Variants in MAPK10 observed in about 807,000 individuals in gnomAD.
The protein encoded by MAPK10 is JNK3 alpha protein kinase.
Under a neutral mutation model 59.3 loss-of-function variants are expected in MAPK10, and 25 were observed. The ratio of observed to expected loss-of-function variants is 0.42; its 90% CI spans 0.31 to 0.59. The LOEUF (loss-of-function observed/expected upper bound fraction) is 0.59, where lower values mean the gene tolerates loss of function less well. Ranked by LOEUF, MAPK10 falls within the 20% of genes least tolerant of loss-of-function variation. MAPK10 has a pLI of 0.15. For missense variants in MAPK10, 351 were observed against 568.9 expected (o/e 0.62, Z 3.90); for synonymous variants, 190 against 200.5 (o/e 0.95, Z 0.44).
intron 4 of MAPK10, among the ~76,000 whole-genome samples, chr4:86,116,074 C>G (rs917075772): frequency 4.6e-5 from 7 of 152,166 alleles, no homozygotes; most frequent in Non-Finnish European, 7.3e-5. Context: ...TCCATCACCT[C>G]AAAGACAAGA....
At chr4:86,539,361 G>A (rs1190378039) in intron 1 of MAPK10, among the ~76,000 whole-genome samples, 2 of 152,148 alleles carry the variant, frequency 1.3e-5, no homozygotes, top group Non-Finnish European at 2.9e-5. Context: ...AAAAGACATC[G>A]TCCTACACTT....
At chr4:86,375,824 T>G (rs997190412) in intron 1 of MAPK10, among the ~76,000 whole-genome samples, 1 of 149,482 alleles carries the variant, frequency 6.7e-6, no homozygotes, top group Non-Finnish European at 1.5e-5. Context: ...AGCAAGTACC[T>G]CCTTCCCTTA....
chr4:86,349,858 C>T (rs151173435), intron 2 of MAPK10, among the ~76,000 whole-genome samples: 13 of 152,136 alleles, frequency 8.5e-5, no homozygotes, highest in African/African-American at 1.9e-4. Context: ...GAGTCACAAA[C>T]GTCTTAAAGG....
At chr4:86,367,178 GA>G (rs2148990140) in intron 1 of MAPK10, among the ~76,000 whole-genome samples, 2 of 152,248 alleles carry the variant, frequency 1.3e-5, no homozygotes, top group African/African-American at 4.8e-5. Flanking sequence ...GTAGCAAGGG[GA>G]TGGAAAGGGT....
intron 11 of MAPK10, among the ~76,000 whole-genome samples, chr4:86,042,641 C>T (rs536561175): frequency 6.6e-6 from 1 of 151,818 alleles, no homozygotes; most frequent in Admixed American, 6.6e-5. Flanking sequence ...CTTGTTATAA[C>T]TATAAGATGT....
intron 4 of MAPK10, among the ~76,000 whole-genome samples, chr4:86,135,421 G>A (rs150125524): frequency 0.023 from 3,573 of 152,208 alleles, 142 homozygotes; most frequent in African/African-American, 0.081. Flanking sequence ...GCCCCAGCAG[G>A]GGCACACTGA....
At chr4:86,082,910 G>A (rs576749903) in intron 9 of MAPK10, among the ~76,000 whole-genome samples, 1 of 152,224 alleles carries the variant, frequency 6.6e-6, no homozygotes, top group East Asian at 1.9e-4. Flanking sequence ...GTGCTAAGGG[G>A]TGCAGTCCAT....
intron 1 of MAPK10, among the ~76,000 whole-genome samples, chr4:86,495,109 C>A (rs889243240): frequency 2.0e-5 from 3 of 152,026 alleles, no homozygotes; most frequent in Non-Finnish European, 4.4e-5. Flanking sequence ...AGGGCTGCTC[C>A]AACAAGTTTA....
intron 3 of MAPK10, chr4:86,176,042 T>G (rs1012174953): frequency 6.6e-6 from 1 of 152,204 alleles, no homozygotes; most frequent in Non-Finnish European, 1.5e-5. Context: ...GAACTGGTTT[T>G]AGAACTCAGA....
At chr4:86,591,845 C>T (rs1376621430) in intron 1 of MAPK10, among the ~76,000 whole-genome samples, 1 of 152,022 alleles carries the variant, frequency 6.6e-6, no homozygotes, top group South Asian at 2.1e-4. Context: ...CATTGGCTAT[C>T]GTTTCTATTG....
intron 2 of MAPK10, among the ~76,000 whole-genome samples, chr4:86,297,749 T>TGACTC (rs55841381): frequency 0.61 from 91,886 of 151,440 alleles, 28,447 homozygotes; most frequent in South Asian, 0.74. Flanking sequence ...TCTCTACTCT[T>TGACTC]TACTCTAATT....
chr4:86,329,788 G>T (rs1381860626), intron 2 of MAPK10, among the ~76,000 whole-genome samples: 1 of 151,948 alleles, frequency 6.6e-6, no homozygotes, highest in South Asian at 2.1e-4. Context: ...AAATCAATTA[G>T]TCAATATAGC....
chr4:86,450,143 C>T (rs1384831067), intron 1 of MAPK10, among the ~76,000 whole-genome samples: 2 of 152,212 alleles, frequency 1.3e-5, no homozygotes, highest in Admixed American at 1.3e-4. Flanking sequence ...GCTAATTTGT[C>T]ATAGCAGCAA....
chr4:86,548,138 C>A (rs960625564), intron 1 of MAPK10, among the ~76,000 whole-genome samples: 48 of 152,264 alleles, frequency 3.2e-4, no homozygotes, highest in African/African-American at 1.1e-3. Context: ...TGAGCTGTAA[C>A]ACTCACCGCG....
chr4:86,409,730 G>T (rs910249136), intron 1 of MAPK10, among the ~76,000 whole-genome samples: 4 of 152,204 alleles, frequency 2.6e-5, no homozygotes, highest in Non-Finnish European at 4.4e-5. Context: ...AGGAATGCTT[G>T]TGATTTTTGC....
rs2047034230 is a variant in MAPK10, at chr4:86,067,791, C to T, written c.967G>A (p.Glu323Lys). Residue 323 changes from glutamate to lysine, a missense_variant, in exon 10 of 14, where the codon GAG becomes AAG. By Grantham distance (56) the Glu-to-Lys change is moderately conservative. Coordinates refer to ENST00000641462, the MANE Select transcript of MAPK10 (RefSeq NM_138982.4). Reference sequence around the variant, plus strand: ...GGCATACCTTTGAGTTTATTGTGCTCGGAGTCCGCTGGGAAGAGGGAATCT... The same window carrying T: ...GGCATACCTTTGAGTTTATTGTGCTTGGAGTCCGCTGGGAAGAGGGAATCT... ...FPDSLFPADS[E>K]HNKLKASQAR... 6.2e-7 allele frequency: 1 copy of T among 1,611,558 alleles called. No individual in the cohort carries two copies. The highest frequency in any genetic ancestry group is 1.3e-5 in the African/African-American group (1 of 74,840).
intron 2 of MAPK10, among the ~76,000 whole-genome samples, chr4:86,346,264 C>T (rs571796117): frequency 3.6e-4 from 55 of 152,160 alleles, no homozygotes; most frequent in African/African-American, 1.2e-3. Flanking sequence ...AGGACAACCC[C>T]GGAGGATACC....
rs572308396 is a variant in MAPK10 at position 86,227,943 on chromosome 4, T to C, written c.-6-33536A>G. 1.8e-4 allele frequency among the ~76,000 whole-genome samples: 28 copies of C among 152,256 alleles called. 1 individual carries two copies. Among genetic ancestry groups the C allele is most frequent in the African/African-American group, 6.5e-4 (27 of 41,540 alleles). On this transcript the variant is annotated intron_variant, in intron 2 of 13. Coordinates refer to ENST00000641462, the MANE Select transcript of MAPK10 (RefSeq NM_138982.4). ...GAAGAAGTCCGTACTCACAGATCCC[T>C]AGAAACAGTAGACACTGCACACCAT...
intron 4 of MAPK10, among the ~76,000 whole-genome samples, chr4:86,134,702 C>T (rs1430092428): frequency 6.6e-6 from 1 of 152,300 alleles, no homozygotes; most frequent in East Asian, 1.9e-4. Flanking sequence ...CGAATAGGAA[C>T]AGCTCCAGTC....
Sources: allele counts gnomAD v4.1 joint callset (sites outside exome capture counted in the v4.1 genomes callset), GRCh38; gene constraint gnomAD v4.1.1; transcripts MANE v1.5; gene names NCBI Gene and HGNC (gene_info 2026-07-23, HGNC 2026-07-21).